The following GRIP2 variants were observed in gnomAD, a reference collection of about 807,000 sequenced individuals.
GRIP2 encodes glutamate receptor-interacting protein 2.
Under a neutral mutation model 108.3 loss-of-function variants are expected in GRIP2, and 58 were observed. The observed-to-expected ratio is 0.54, with a 90% confidence interval of 0.43 to 0.67. GRIP2 has a LOEUF of 0.67. GRIP2 is among the 30% of genes least tolerant of loss of function. The pLI, the probability that GRIP2 is intolerant of heterozygous loss-of-function variation, is 0.00. For missense variants in GRIP2, 1,278 were observed against 1,430.6 expected, an observed-to-expected ratio of 0.89 and a Z score of 1.72; for synonymous variants, 586 against 598.2, an observed-to-expected ratio of 0.98 and a Z score of 0.30.
In GRIP2 at chr3:14,504,062, A is replaced by C. The variant is rs1433262077; in HGVS notation, c.2574-391T>G. On this transcript the variant is annotated intron_variant, in intron 20 of 23. Coordinates refer to ENST00000621039, the MANE Select transcript of GRIP2 (RefSeq NM_001080423.4). Reference sequence around the variant, plus strand: ...ACCCAGACACACGGCACCGTGGGACAGTGACAGGGACAGAGCTGGGGCCAG... The same window carrying C: ...ACCCAGACACACGGCACCGTGGGACCGTGACAGGGACAGAGCTGGGGCCAG... 6 of 255,174 alleles carry C rather than the reference A, an allele frequency of 2.4e-5. No individual in the cohort carries two copies. In the Admixed American group the frequency reaches 3.1e-4, roughly 13 times the overall value. 15.8% of individuals were successfully genotyped at this position (255,174 alleles called of 1,614,324 possible).
At chr3:14,591,687 G>A in the GRIP2 span, among the ~76,000 whole-genome samples, 25 of 152,198 alleles carry the variant, frequency 1.6e-4, no homozygotes, top group East Asian at 1.9e-4. Flanking sequence ...TAGCCAAACC[G>A]TGCCTCTTGC....
chr3:14,572,105 C>T, the GRIP2 span, among the ~76,000 whole-genome samples: 1 of 152,086 alleles, frequency 6.6e-6, no homozygotes, highest in South Asian at 2.1e-4. Context: ...GGTATATACT[C>T]AACAGAAATG....
At chr3:14,581,854 C>T in the GRIP2 span, among the ~76,000 whole-genome samples, 8 of 152,280 alleles carry the variant, frequency 5.3e-5, no homozygotes, top group Admixed American at 1.3e-4. Context: ...CTTGGAAAGG[C>T]GTGAGAAGGA....
At chr3:14,574,221 A>G in the GRIP2 span, 3 of 867,164 alleles carry the variant, frequency 3.5e-6, no homozygotes, top group African/African-American at 1.7e-5. Flanking sequence ...GTGGCTGTCC[A>G]TGTCCTCGAT....
chr3:14,568,707 CAG>C, the GRIP2 span, among the ~76,000 whole-genome samples: 4 of 152,126 alleles, frequency 2.6e-5, no homozygotes, highest in African/African-American at 9.7e-5. Context: ...GGCAGGGAGA[CAG>C]AGATGGGATG....
Position 14,507,111 on chromosome 3 carries a change from C to A in GRIP2, c.2219-131G>T. 1 of 864,124 alleles carries A rather than the reference C, an allele frequency of 1.2e-6. No individual in the cohort carries two copies. Among genetic ancestry groups the A allele is most frequent in the Admixed American group, 2.9e-5 (1 of 34,994 alleles). The allele number at this position is 864,124 out of a possible 1,614,324, so 53.5% of individuals were successfully genotyped here. On this transcript the variant is annotated intron_variant, in intron 18 of 23. Transcript: ENST00000621039. This position sits in a 1 kb window ranked among gnomAD's most constrained non-coding sequence, Gnocchi z 4.6. Reference sequence around the variant, plus strand: ...TGAGCTGACATATGACCATGGCACACTAATAAGCAAACCTGTTTCACAGAT... The same window carrying A: ...TGAGCTGACATATGACCATGGCACAATAATAAGCAAACCTGTTTCACAGAT...
At chr3:14,582,457 C>T in the GRIP2 span, among the ~76,000 whole-genome samples, 21 of 152,294 alleles carry the variant, frequency 1.4e-4, 1 homozygote, top group East Asian at 4.1e-3. Context: ...CACAAATCAC[C>T]AAGTCTTTCT....
chr3:14,584,443 C>T, the GRIP2 span, among the ~76,000 whole-genome samples: 6 of 152,168 alleles, frequency 3.9e-5, no homozygotes, highest in South Asian at 4.1e-4. Flanking sequence ...AGGCTTGCTG[C>T]GTGACTCTGT....
At chr3:14,568,693 G>A in the GRIP2 span, among the ~76,000 whole-genome samples, 1 of 152,242 alleles carries the variant, frequency 6.6e-6, no homozygotes. Context: ...AAGTATACCT[G>A]TGTGGCAGGG....
In GRIP2 at chr3:14,514,334, G is replaced by A. The variant is rs1302955320; in HGVS notation, c.1451C>T (p.Pro484Leu). The A allele has an allele frequency of 6.3e-7, 1 of 1,577,292 alleles. No individual in the cohort carries two copies. ...AGGCTCGATGAAGCACACGAGGGGT[G>A]GGGAGGACAGGGTCTCGGTGGCGAA... ...GIFATETLSS[P>L]PLVCFIEPDS... Residue 484 changes from proline (P) to leucine (L), a missense_variant, in exon 12 of 24, where the codon CCA (proline) becomes CTA (leucine). By Grantham distance (98) the Pro-to-Leu change is moderately conservative (BLOSUM62 -3). Coordinates refer to ENST00000621039, the MANE Select transcript of GRIP2 (RefSeq NM_001080423.4).
the GRIP2 span, among the ~76,000 whole-genome samples, chr3:14,579,003 G>A: frequency 6.6e-6 from 1 of 152,148 alleles, no homozygotes; most frequent in Non-Finnish European, 1.5e-5. Context: ...ATATTCACAT[G>A]ACACTTGCGT....
In GRIP2 at chr3:14,520,377, G is replaced by T; in HGVS notation, c.860+13C>A. ...CACACCTCCATGGTGGCAGCACCCA[G>T]GGTGTGCCTTACCTGTCCACCACGC... On this transcript the variant is annotated intron_variant, in intron 8 of 23. Coordinates refer to ENST00000621039, the MANE Select transcript of GRIP2 (RefSeq NM_001080423.4). The T allele has an allele frequency of 1.2e-6, 2 of 1,610,850 alleles. No homozygotes were observed. Among genetic ancestry groups the T allele is most frequent in the Non-Finnish European group, 1.7e-6 (2 of 1,178,642 alleles).
At chr3:14,597,890 G>T in the GRIP2 span, among the ~76,000 whole-genome samples, 2 of 152,184 alleles carry the variant, frequency 1.3e-5, no homozygotes, top group African/African-American at 4.8e-5. Flanking sequence ...GGAGGTACAA[G>T]GAGACATTTA....
Position 14,507,075 on chromosome 3 carries a change from G to T in GRIP2, c.2219-95C>A. On this transcript the variant is annotated intron_variant, in intron 18 of 23. Transcript: ENST00000621039. This position sits in a 1 kb window ranked among gnomAD's most constrained non-coding sequence, Gnocchi z 4.6. Reference sequence around the variant, plus strand: ...AGCCTGGTCTGGAAACTCACAGGCAGTAAGCCCTTCTGAGCTGACATATGA... The same window carrying T: ...AGCCTGGTCTGGAAACTCACAGGCATTAAGCCCTTCTGAGCTGACATATGA... 8.2e-7 allele frequency: 1 copy of T among 1,216,026 alleles called. No individual in the cohort carries two copies. Among genetic ancestry groups the T allele is most frequent in the Non-Finnish European group, 1.2e-6 (1 of 867,830 alleles). The allele number at this position is 1,216,026 out of a possible 1,614,324, so 75.3% of individuals were successfully genotyped here. A position where few individuals can be genotyped will look rare whatever the true frequency, so the allele number is the denominator to read the frequency against.
chr3:14,577,805 A>C, the GRIP2 span, among the ~76,000 whole-genome samples: 2 of 152,182 alleles, frequency 1.3e-5, no homozygotes, highest in African/African-American at 4.8e-5. Flanking sequence ...AGTATCTAGC[A>C]GGGCACTGGC....
the GRIP2 span, among the ~76,000 whole-genome samples, chr3:14,567,620 T>C: frequency 6.6e-6 from 1 of 152,186 alleles, no homozygotes; most frequent in South Asian, 2.1e-4. Context: ...CATGAGGCCC[T>C]GGCAGTGGGA....
In GRIP2 at chr3:14,491,323, GA is replaced by G. The variant is rs1701330502; in HGVS notation, c.*2341del. On this transcript the variant is annotated 3_prime_UTR_variant, in exon 24 of 24. Coordinates refer to ENST00000621039, the MANE Select transcript of GRIP2 (RefSeq NM_001080423.4). ...CCCTTGTGCTTCCCGAGAGCCCTAA[GA>G]AAACCCGATGTAGAAAAATACTTTA... is the stretch of plus-strand genomic sequence containing the variant. 6.6e-6 allele frequency: 1 copy of G among 152,226 alleles called. No homozygotes were observed. The highest frequency in any genetic ancestry group is 1.5e-5 in the Non-Finnish European group (1 of 68,062). The allele number at this position is 152,226 out of a possible 1,614,324, so 9.4% of individuals were successfully genotyped here.
chr3:14,547,315 C>T (rs181589792), intron 1 of GRIP2, among the ~76,000 whole-genome samples: 28 of 152,270 alleles, frequency 1.8e-4, no homozygotes, highest in African/African-American at 5.5e-4. Context: ...CAAGGGCACA[C>T]ACAGACGGAA....
rs370283270 is a variant in GRIP2, at chr3:14,513,730, T to A, written c.1574A>T (p.Asn525Ile). The A allele has an allele frequency of 2.5e-6, 4 of 1,611,012 alleles. No individual in the cohort carries two copies. The highest frequency in any genetic ancestry group is 3.4e-6 in the Non-Finnish European group (4 of 1,178,790). Residue 525 changes from asparagine (N) to isoleucine (I), a missense_variant, in exon 13 of 24, where the codon AAC (asparagine) becomes ATC (isoleucine). Coordinates refer to ENST00000621039, the MANE Select transcript of GRIP2 (RefSeq NM_001080423.4). ...ATEDGTMEEA[N>I]QLLRDAALAH... ...CAGTGCGGCGTCCCGCAGGAGCTGG[T>A]TGGCTTCCTCCATAGTCCCGTCCTC... is the stretch of plus-strand genomic sequence containing the variant.
Sources: allele counts gnomAD v4.1 joint callset (sites outside exome capture counted in the v4.1 genomes callset), GRCh38; gene constraint gnomAD v4.1.1; non-coding constraint Gnocchi (gnomAD v3.1); transcripts MANE v1.5; gene names NCBI Gene and HGNC (gene_info 2026-07-23, HGNC 2026-07-21).